HTR1F: variants seen among roughly 807,000 people sequenced by gnomAD.
The protein encoded by HTR1F is 5-hydroxytryptamine (serotonin) receptor 1F, G protein-coupled.
A neutral mutation model predicts 24.0 loss-of-function variants in HTR1F; 17 were observed. The observed-to-expected ratio is 0.71, with a 90% confidence interval of 0.48 to 1.06. The LOEUF (loss-of-function observed/expected upper bound fraction) is 1.06. Among genes scored for constraint, HTR1F ranks in the 50% least tolerant of loss-of-function variants. The pLI, the probability that HTR1F is intolerant of heterozygous loss-of-function variation, is 0.00. For missense variants in HTR1F, 391 were observed against 427.8 expected (o/e 0.91, Z 0.76); for synonymous variants, 186 against 156.8 (o/e 1.19, Z -1.39).
At chr3:87,801,419 G>C (rs1405633823) in intron 1 of HTR1F, among the ~76,000 whole-genome samples, 1 of 152,188 alleles carries the variant, frequency 6.6e-6, no homozygotes, top group East Asian at 1.9e-4. Context: ...CCAAGGTTAA[G>C]AGTGCACCTG....
chr3:87,833,338 T>A (rs1171472895), intron 2 of HTR1F, among the ~76,000 whole-genome samples: 1 of 152,182 alleles, frequency 6.6e-6, no homozygotes, highest in Non-Finnish European at 1.5e-5. Context: ...TTCCCAAGTG[T>A]TGTCCTTGAG....
At chr3:87,805,474 T>C (rs1704058970) in intron 1 of HTR1F, among the ~76,000 whole-genome samples, 1 of 152,126 alleles carries the variant, frequency 6.6e-6, no homozygotes, top group Non-Finnish European at 1.5e-5. Context: ...GTTTTTCCTG[T>C]GTATTTCATA....
chr3:87,906,185 G>C (rs1391555473), intron 2 of HTR1F, among the ~76,000 whole-genome samples: 2 of 152,076 alleles, frequency 1.3e-5, no homozygotes, highest in African/African-American at 4.8e-5. Flanking sequence ...AGGCTATAGA[G>C]TAACTTTTGA....
chr3:87,827,984 A>G (rs1575915761), intron 2 of HTR1F, among the ~76,000 whole-genome samples: 1 of 152,248 alleles, frequency 6.6e-6, no homozygotes, highest in East Asian at 1.9e-4. Flanking sequence ...GAGAGAGCAG[A>G]ATATTTAAAT....
At chr3:87,905,157 A>G (rs1703634053) in intron 2 of HTR1F, among the ~76,000 whole-genome samples, 1 of 151,936 alleles carries the variant, frequency 6.6e-6, no homozygotes. Flanking sequence ...AAAAAAATTA[A>G]AAGTTAGTTG....
At chr3:87,888,426 C>G (rs1706006927) in intron 2 of HTR1F, among the ~76,000 whole-genome samples, 1 of 151,680 alleles carries the variant, frequency 6.6e-6, no homozygotes. Flanking sequence ...AAATACCAAA[C>G]CTGCACATTG....
At chr3:87,906,998 A>C (rs1273354087) in intron 2 of HTR1F, among the ~76,000 whole-genome samples, 2 of 152,036 alleles carry the variant, frequency 1.3e-5, no homozygotes, top group East Asian at 3.9e-4. Context: ...ATAAATATGC[A>C]TGTGCAACTA....
At chr3:87,882,902 T>C (rs1310723198) in intron 2 of HTR1F, among the ~76,000 whole-genome samples, 1 of 152,050 alleles carries the variant, frequency 6.6e-6, no homozygotes, top group Non-Finnish European at 1.5e-5. Flanking sequence ...GCAGACAACT[T>C]CTGCAGACTT....
chr3:87,827,884 T>C (rs896046671), intron 2 of HTR1F, among the ~76,000 whole-genome samples: 8 of 152,170 alleles, frequency 5.3e-5, no homozygotes, highest in Admixed American at 4.6e-4. Context: ...GCACCACACA[T>C]TCACAGGAAC....
intron 2 of HTR1F, among the ~76,000 whole-genome samples, chr3:87,882,872 A>C (rs1705839031): frequency 6.6e-6 from 1 of 152,114 alleles, no homozygotes; most frequent in Non-Finnish European, 1.5e-5. Context: ...AAAATAAAAA[A>C]TAAATTTAAA....
At chr3:87,886,989 T>A (rs189892184) in intron 2 of HTR1F, among the ~76,000 whole-genome samples, 2 of 152,020 alleles carry the variant, frequency 1.3e-5, no homozygotes, top group Admixed American at 6.6e-5. Context: ...AAAGTTCACA[T>A]GGAACCGTAA....
intron 2 of HTR1F, among the ~76,000 whole-genome samples, chr3:87,892,262 A>G (rs1428808551): frequency 6.6e-6 from 1 of 152,230 alleles, no homozygotes; most frequent in African/African-American, 2.4e-5. Context: ...TGAAAGCTAT[A>G]AAATGGAGTA....
rs1705832451 is a variant in HTR1F at position 87,991,580 on chromosome 3, T to C, written c.831T>C (p.Ser277=). 7 of 1,614,074 alleles carry C rather than the reference T, an allele frequency of 4.3e-6. No homozygotes were observed. Among genetic ancestry groups the C allele is most frequent in the Non-Finnish European group, 5.9e-6 (7 of 1,180,002 alleles). The change falls in exon 3 of 3, where the codon TCT becomes TCC. Residue 277 remains serine, a synonymous_variant. Transcript: ENST00000319595. ...GGTCTGAATTCAAGCATGAGAAATC[T>C]TGGAGAAGGCAAAAGATCTCAGGTA... ...SLRSEFKHEK[S]WRRQKISGTR...
At chr3:87,881,637 T>C (rs1559617190) in intron 2 of HTR1F, among the ~76,000 whole-genome samples, 1 of 152,190 alleles carries the variant, frequency 6.6e-6, no homozygotes, top group African/African-American at 2.4e-5. Context: ...TAAATGGTGC[T>C]GGGAAAACTG....
chr3:87,797,066 A>G (rs2107055334), intron 1 of HTR1F, among the ~76,000 whole-genome samples: 1 of 152,298 alleles, frequency 6.6e-6, no homozygotes, highest in East Asian at 1.9e-4. Flanking sequence ...TTAAATGGAA[A>G]ATTTCAGACA....
intron 2 of HTR1F, among the ~76,000 whole-genome samples, chr3:87,832,915 G>A (rs1344950753): frequency 6.6e-6 from 1 of 152,164 alleles, no homozygotes; most frequent in Non-Finnish European, 1.5e-5. Context: ...GTTTTGTTCC[G>A]TCTGTTGTTT....
intron 2 of HTR1F, among the ~76,000 whole-genome samples, chr3:87,958,663 C>A (rs1274537091): frequency 6.6e-6 from 1 of 151,576 alleles, no homozygotes; most frequent in Non-Finnish European, 1.5e-5. Context: ...TTTACCCACA[C>A]GTTATCTAGT....
At chr3:87,933,275 T>C (rs1381286666) in intron 2 of HTR1F, among the ~76,000 whole-genome samples, 2 of 150,840 alleles carry the variant, frequency 1.3e-5, no homozygotes, top group Admixed American at 1.3e-4. Context: ...CTGGAAGCAT[T>C]CCCTTTGAAA....
At chr3:87,927,230 G>C (rs145668524) in intron 2 of HTR1F, among the ~76,000 whole-genome samples, 67 of 152,178 alleles carry the variant, frequency 4.4e-4, no homozygotes, top group African/African-American at 1.6e-3. Flanking sequence ...AATAGCTGAT[G>C]GGTTAAAAGA....
Sources: allele counts gnomAD v4.1 joint callset (sites outside exome capture counted in the v4.1 genomes callset), GRCh38; gene constraint gnomAD v4.1.1; transcripts MANE v1.5; gene names NCBI Gene and HGNC (gene_info 2026-07-23, HGNC 2026-07-21).